Variants in COA1 observed in about 807,000 individuals in gnomAD.
COA1 encodes the protein cytochrome c oxidase assembly factor 1.
A neutral mutation model predicts 16.0 loss-of-function variants in COA1; 13 were observed. The ratio of observed to expected loss-of-function variants is 0.81; its 90% CI spans 0.53 to 1.29. The LOEUF (loss-of-function observed/expected upper bound fraction) is 1.29, where lower values mean the gene tolerates loss of function less well. Among genes scored for constraint, COA1 ranks in the 50% most tolerant of loss-of-function variants. The pLI is 0.00. For synonymous variants in COA1, 65 were observed against 65.7 expected, an observed-to-expected ratio of 0.99 and a Z score of 0.05; for missense variants, 179 against 177.0, an observed-to-expected ratio of 1.01 and a Z score of -0.06.
At chr7:43,685,546 T>C (rs144256589) in intron 1 of COA1, among the ~76,000 whole-genome samples, 1 of 152,278 alleles carries the variant, frequency 6.6e-6, no homozygotes, top group African/African-American at 2.4e-5. Flanking sequence ...AAACAAATAT[T>C]AATTGATTAT....
chr7:43,717,934 C>T (rs2095428266), intron 1 of COA1, among the ~76,000 whole-genome samples: 1 of 152,196 alleles, frequency 6.6e-6, no homozygotes, highest in South Asian at 2.1e-4. Flanking sequence ...CTATGTAAGA[C>T]AGGACTTGCT....
intron 6 of COA1, among the ~76,000 whole-genome samples, chr7:43,614,679 T>G (rs1429449731): frequency 2.0e-5 from 3 of 152,246 alleles, no homozygotes; most frequent in Non-Finnish European, 4.4e-5. Context: ...GCTCTGATTT[T>G]ATGAGAAATG....
At chr7:43,616,949 T>C (rs932274071) in intron 6 of COA1, among the ~76,000 whole-genome samples, 10 of 152,202 alleles carry the variant, frequency 6.6e-5, no homozygotes, top group African/African-American at 1.9e-4. Flanking sequence ...TTGTAGCCCC[T>C]CTCATCTATG....
intron 6 of COA1, among the ~76,000 whole-genome samples, chr7:43,609,810 C>T (rs1229874158): frequency 6.6e-6 from 1 of 152,212 alleles, no homozygotes; most frequent in Non-Finnish European, 1.5e-5. Flanking sequence ...AAAACTTTCC[C>T]ATCCTGAATT....
At chr7:43,627,946 C>T (rs902592725) in intron 6 of COA1, among the ~76,000 whole-genome samples, 10 of 152,040 alleles carry the variant, frequency 6.6e-5, no homozygotes, top group African/African-American at 1.9e-4. Context: ...TCATCTATGT[C>T]GATGCTTATA....
intron 1 of COA1, among the ~76,000 whole-genome samples, chr7:43,700,269 T>C (rs2094673711): frequency 6.8e-6 from 1 of 146,830 alleles, no homozygotes; most frequent in South Asian, 2.1e-4. Flanking sequence ...TTAATGCTTT[T>C]GATAGCTGTT....
intron 6 of COA1, among the ~76,000 whole-genome samples, chr7:43,616,484 C>T (rs1335471684): frequency 1.3e-5 from 2 of 152,140 alleles, no homozygotes; most frequent in East Asian, 3.9e-4. Context: ...TGGCTTCTGT[C>T]CTCATGAAGC....
intron 1 of COA1, among the ~76,000 whole-genome samples, chr7:43,685,727 C>T (rs376377106): frequency 6.6e-6 from 1 of 152,252 alleles, no homozygotes; most frequent in East Asian, 1.9e-4. Flanking sequence ...AAGCAAGGTA[C>T]AAACTGTCTC....
chr7:43,660,159 T>C (rs2092279289), intron 1 of COA1, among the ~76,000 whole-genome samples: 1 of 152,130 alleles, frequency 6.6e-6, no homozygotes, highest in Non-Finnish European at 1.5e-5. Context: ...ATTGATACAC[T>C]CTATATACCC....
At chr7:43,655,885 T>C (rs2091636018) in intron 1 of COA1, 1 of 152,138 alleles carries the variant, frequency 6.6e-6, no homozygotes, top group Non-Finnish European at 1.5e-5. Context: ...AGCCACTATA[T>C]AAGAATTATG....
intron 1 of COA1, among the ~76,000 whole-genome samples, chr7:43,680,929 C>G (rs1360164644): frequency 6.6e-6 from 1 of 152,136 alleles, no homozygotes; most frequent in African/African-American, 2.4e-5. Flanking sequence ...AAAGATTGCC[C>G]CATTACACTC....
At chr7:43,723,864 C>A (rs2095558226) in intron 1 of COA1, among the ~76,000 whole-genome samples, 1 of 152,116 alleles carries the variant, frequency 6.6e-6, no homozygotes, top group African/African-American at 2.4e-5. Flanking sequence ...GAGGTCAAGG[C>A]TGCACTGAGC....
chr7:43,720,686 C>T (rs1351205756), intron 1 of COA1, among the ~76,000 whole-genome samples: 1 of 152,186 alleles, frequency 6.6e-6, no homozygotes, highest in Non-Finnish European at 1.5e-5. Context: ...TTAGAGAACA[C>T]TGAGAGGTCT....
intron 1 of COA1, among the ~76,000 whole-genome samples, chr7:43,723,719 G>T (rs982187295): frequency 2.0e-5 from 3 of 152,100 alleles, no homozygotes; most frequent in Admixed American, 2.0e-4. Context: ...TTGAGCTCAG[G>T]AGTTTGAGCC....
chr7:43,620,990 G>A (rs2083830209), intron 6 of COA1, among the ~76,000 whole-genome samples: 1 of 152,170 alleles, frequency 6.6e-6, no homozygotes, highest in Non-Finnish European at 1.5e-5. Context: ...AAGAGAGCAG[G>A]GTCTCCTTTC....
intron 6 of COA1, among the ~76,000 whole-genome samples, chr7:43,613,988 C>A (rs1238625835): frequency 2.0e-5 from 3 of 152,042 alleles, no homozygotes; most frequent in Non-Finnish European, 2.9e-5. Context: ...TAAACAGTCC[C>A]CCAAATTAAT....
chr7:43,691,607 G>A (rs950813547), intron 1 of COA1, among the ~76,000 whole-genome samples: 15 of 152,130 alleles, frequency 9.9e-5, no homozygotes, highest in Non-Finnish European at 2.2e-4. Flanking sequence ...GTGAATTTAA[G>A]CCTCCCAGTC....
intron 6 of COA1, among the ~76,000 whole-genome samples, chr7:43,620,129 G>A (rs993292346): frequency 2.6e-5 from 4 of 152,168 alleles, no homozygotes; most frequent in Admixed American, 1.3e-4. Flanking sequence ...AGCAGAGAGG[G>A]CATTTGGTTG....
intron 1 of COA1, among the ~76,000 whole-genome samples, chr7:43,728,476 T>C (rs933034863): frequency 6.6e-6 from 1 of 152,224 alleles, no homozygotes; most frequent in African/African-American, 2.4e-5. Flanking sequence ...TATAAAACTT[T>C]GCCATATCTA....
Sources: allele counts gnomAD v4.1 joint callset (sites outside exome capture counted in the v4.1 genomes callset), GRCh38; gene constraint gnomAD v4.1.1; transcripts MANE v1.5; gene names NCBI Gene and HGNC (gene_info 2026-07-23, HGNC 2026-07-21).